LRP1: variants seen among roughly 807,000 people sequenced by gnomAD.
LRP1 encodes the protein prolow-density lipoprotein receptor-related protein 1.
Under a neutral mutation model 541.5 loss-of-function variants are expected in LRP1, and 51 were observed. The observed-to-expected ratio is 0.09, with a 90% CI of 0.08 to 0.12. LRP1 has a LOEUF of 0.12. LRP1 is among the 10% of genes least tolerant of loss of function. The probability of loss-of-function intolerance (pLI) is 1.00; values close to 1 mark genes in which losing one functional copy is unlikely to be tolerated. For synonymous variants in LRP1, 2,219 were observed against 2,470.8 expected, an observed-to-expected ratio of 0.90 and a Z score of 3.02; for missense variants, 3,878 against 6,376.2, an observed-to-expected ratio of 0.61 and a Z score of 13.34.
In LRP1 at chr12:57,128,612, C is replaced by G; in HGVS notation, c.-353C>G. On this transcript the variant is annotated 5_prime_UTR_variant, in exon 1 of 89. Transcript: ENST00000243077. Reference sequence around the variant, plus strand: ...CTACCCGGTCCACGCCCCCCACCCCCCCTCCCCGCCTCCTCCCAATTGTGC... The same window carrying G: ...CTACCCGGTCCACGCCCCCCACCCCGCCTCCCCGCCTCCTCCCAATTGTGC... 1 of 415,422 alleles carries G rather than the reference C, an allele frequency of 2.4e-6. No homozygotes were observed. The highest frequency in any genetic ancestry group is 4.3e-6 in the Non-Finnish European group (1 of 234,404). The allele number at this position is 415,422 out of a possible 1,614,324, so 25.7% of individuals were successfully genotyped here.
In LRP1 at chr12:57,156,393, T is replaced by C; in HGVS notation, c.1417+110T>C. On this transcript the variant is annotated intron_variant, in intron 9 of 88. Transcript: ENST00000243077. This position sits in a 1 kb window ranked among gnomAD's most constrained non-coding sequence, Gnocchi z 5.2. ...CCTCCTGTGGGGACCCTGGCTTCTT[T>C]CATGTCATGACCGATTCTCCTAGCC... 1 of 1,152,272 alleles carries C rather than the reference T, an allele frequency of 8.7e-7. No individual in the cohort carries two copies. The highest frequency in any genetic ancestry group is 1.2e-6 in the Non-Finnish European group (1 of 830,550). 71.4% of individuals were successfully genotyped at this position (1,152,272 alleles called of 1,614,324 possible). A position where few individuals can be genotyped will look rare whatever the true frequency, so the allele number is the denominator to read the frequency against.
chr12:57,204,608 G>A lies in LRP1; in HGVS notation c.11072-19G>A, dbSNP rs1438321419. 1 of 1,613,294 alleles carries A rather than the reference G, an allele frequency of 6.2e-7. No individual in the cohort carries two copies. Among genetic ancestry groups the A allele is most frequent in the South Asian group, 1.1e-5 (1 of 91,064 alleles). Reference sequence around the variant, plus strand: ...CTCCCAAGACTAATTCTGGCTCTGTGTCCCCCTGGCTGCTGCAGCCCGGTT... The same window carrying A: ...CTCCCAAGACTAATTCTGGCTCTGTATCCCCCTGGCTGCTGCAGCCCGGTT... On this transcript the variant is annotated intron_variant, in intron 71 of 88. Coordinates refer to ENST00000243077, the MANE Select transcript of LRP1 (RefSeq NM_002332.3). The surrounding 1 kb of genome is among the most constrained non-coding windows in gnomAD (Gnocchi z 5.3).
intron 17 of LRP1, 43 bp downstream of exon 17, chr12:57,166,252 AG>A (rs1348925997): frequency 6.4e-7 from 1 of 1,558,026 alleles, no homozygotes; most frequent in East Asian, 2.4e-5. Flanking sequence ...CCCTCAGTCA[AG>A]GAGGCAGGGG....
At chr12:57,194,789 G>T (rs1271804611) in intron 50 of LRP1, 90 bp downstream of exon 50, 21 of 1,466,366 alleles carry the variant, frequency 1.4e-5, no homozygotes, top group Non-Finnish European at 1.9e-5. Context: ...TTGGAAAAGG[G>T]CATCCAGAGC....
Position 57,162,898 on chromosome 12 carries a change from C to T in LRP1, c.2445C>T (p.Ser815=), listed in dbSNP as rs780205524. The change falls in exon 15 of 89, where the codon AGC becomes AGT. Residue 815 remains serine, a synonymous_variant. Coordinates refer to ENST00000243077, the MANE Select transcript of LRP1 (RefSeq NM_002332.3). This position sits in a 1 kb window ranked among gnomAD's most constrained non-coding sequence, Gnocchi z 5.2. Reference sequence around the variant, plus strand: ...GCCGGGTGAACAATGGCGGCTGCAGCAGCCTGTGCTTGGCCACCCCTGGGA... The same window carrying T: ...GCCGGGTGAACAATGGCGGCTGCAGTAGCCTGTGCTTGGCCACCCCTGGGA... ...NKCRVNNGGC[S]SLCLATPGSR... 3.7e-6 allele frequency: 6 copies of T among 1,608,112 alleles called. No individual in the cohort carries two copies. The highest frequency in any genetic ancestry group is 4.2e-6 in the Non-Finnish European group (5 of 1,178,350).
rs1403053376 is a variant in LRP1 at position 57,187,389 on chromosome 12, C to T, written c.6964C>T (p.Arg2322Cys). The T allele has an allele frequency of 7.4e-6, 12 of 1,614,172 alleles. No homozygotes were observed. The highest frequency in any genetic ancestry group is 2.7e-5 in the African/African-American group (2 of 75,054). Residue 2322 changes from arginine to cysteine, a missense_variant, in exon 42 of 89, where the codon CGT becomes TGT. Coordinates refer to ENST00000243077, the MANE Select transcript of LRP1 (RefSeq NM_002332.3). ...VDQTRPGAFE[R>C]ETVITMSGDD... is the part of the protein sequence containing the mutation. ...CCAGACCCGCCCAGGGGCCTTCGAGCGTGAGACCGTCATCACTATGTCTGG... is the reference window on the plus strand; with the variant it reads ...CCAGACCCGCCCAGGGGCCTTCGAGTGTGAGACCGTCATCACTATGTCTGG...
At chr12:57,208,563 C>A in intron 77 of LRP1, 148 bp from the exon 78 acceptor site, 2 of 604,818 alleles carry the variant, frequency 3.3e-6, no homozygotes, top group South Asian at 4.0e-5. Flanking sequence ...CAGAAGCAGA[C>A]TCCCGCCTGC....
In LRP1 at chr12:57,165,005, C is replaced by G. The variant is rs1296728113; in HGVS notation, c.2531-800C>G. 2 of 152,144 alleles carry G rather than the reference C, an allele frequency of 1.3e-5. No homozygotes were observed. The highest frequency in any genetic ancestry group is 3.8e-4 in the East Asian group (2 of 5,204). The allele number at this position is 152,144 out of a possible 1,614,324, so 9.4% of individuals were successfully genotyped here. ...CAGATGACAGGGTGCAGCCTGGGAG[C>G]CTTCCAGAAGTAGAGGTTGGTACAG... On this transcript the variant is annotated intron_variant, in intron 15 of 88. Transcript: ENST00000243077. The surrounding 1 kb of genome is among the most constrained non-coding windows in gnomAD (Gnocchi z 4.5).
chr12:57,205,320 A>G lies in LRP1; in HGVS notation c.11336-31A>G. 6.3e-7 allele frequency: 1 copy of G among 1,590,768 alleles called. No homozygotes were observed. The highest frequency in any genetic ancestry group is 8.6e-7 in the Non-Finnish European group (1 of 1,166,316). On this transcript the variant is annotated intron_variant, in intron 73 of 88. Transcript: ENST00000243077. This position sits in a 1 kb window ranked among gnomAD's most constrained non-coding sequence, Gnocchi z 4.6. ...CCAAGCCCTGGCCTGGGGTGGCTCA[A>G]GGGAGGGCATCCACTCTCTGTCCCC...
Position 57,205,466 on chromosome 12 carries a change from C to A in LRP1, c.11451C>A (p.Pro3817=). 6.2e-7 allele frequency: 1 copy of A among 1,610,872 alleles called. No homozygotes were observed. The highest frequency in any genetic ancestry group is 1.1e-5 in the South Asian group (1 of 91,002). Residue 3817 remains proline, a synonymous_variant, in exon 74 of 89, where the codon CCC becomes CCA. Transcript: ENST00000243077. This position sits in a 1 kb window ranked among gnomAD's most constrained non-coding sequence, Gnocchi z 4.6. ...GCCGCTCGGGCTTCCACACCGTGCCCGGCCAGCCCGGATGCCAAGGTAGGA... is the reference window on the plus strand; with the variant it reads ...GCCGCTCGGGCTTCCACACCGTGCCAGGCCAGCCCGGATGCCAAGGTAGGA... ...CACRSGFHTV[P]GQPGCQDINE... is the part of the protein sequence containing the mutation.
Position 57,184,250 on chromosome 12 carries a change from C to G in LRP1, c.6059+36C>G. ...GGAAAGACTGGCCTTGTCATTCTGC[C>G]CATGGCCCATGCTGATGAGGCCCTG... On this transcript the variant is annotated intron_variant, in intron 37 of 88. Coordinates refer to ENST00000243077, the MANE Select transcript of LRP1 (RefSeq NM_002332.3). The surrounding 1 kb of genome is among the most constrained non-coding windows in gnomAD (Gnocchi z 7.8). The G allele has an allele frequency of 6.2e-7, 1 of 1,613,604 alleles. No individual in the cohort carries two copies. The highest frequency in any genetic ancestry group is 1.1e-5 in the South Asian group (1 of 91,030).
intron 67 of LRP1, 173 bp downstream of exon 67, chr12:57,202,078 T>A: frequency 1.3e-6 from 1 of 779,770 alleles, no homozygotes; most frequent in Non-Finnish European, 2.1e-6. Context: ...GGAGCTCACT[T>A]CCCCACATCC....
chr12:57,150,873 G>A (rs1357157957), intron 6 of LRP1, among the ~76,000 whole-genome samples: 1 of 151,936 alleles, frequency 6.6e-6, no homozygotes, highest in Non-Finnish European at 1.5e-5. Context: ...TCAGTGTCTA[G>A]GGCCCAGTTG....
chr12:57,175,395 G>C, intron 22 of LRP1, 65 bp from the exon 23 acceptor site: 1 of 1,596,806 alleles, frequency 6.3e-7, no homozygotes, highest in Non-Finnish European at 8.5e-7. Context: ...GGCCCAGCAG[G>C]GCCGTGGTCT....
Position 57,211,129 on chromosome 12 carries a change from C to G in LRP1, c.12917-47C>G. ...AGCTCTGTTCAACCTATGGAGAGCCCTCATGAGGGTGGGGCTTGAGGCACT... is the reference window on the plus strand; with the variant it reads ...AGCTCTGTTCAACCTATGGAGAGCCGTCATGAGGGTGGGGCTTGAGGCACT... On this transcript the variant is annotated intron_variant, in intron 83 of 88. Coordinates refer to ENST00000243077, the MANE Select transcript of LRP1 (RefSeq NM_002332.3). The surrounding 1 kb of genome is among the most constrained non-coding windows in gnomAD (Gnocchi z 4.3). The G allele has an allele frequency of 6.3e-7, 1 of 1,597,334 alleles. No homozygotes were observed. The highest frequency in any genetic ancestry group is 8.6e-7 in the Non-Finnish European group (1 of 1,167,204).
rs552640652 is a variant in LRP1, at chr12:57,158,787, C to T, written c.1798+149C>T. Reference sequence around the variant, plus strand: ...GAGATGAGGGGATAGACAGATTGACCCCTGTGTGACCCCCTTCTTGGCTGA... The same window carrying T: ...GAGATGAGGGGATAGACAGATTGACTCCTGTGTGACCCCCTTCTTGGCTGA... On this transcript the variant is annotated intron_variant, in intron 11 of 88. Transcript: ENST00000243077. This position sits in a 1 kb window ranked among gnomAD's most constrained non-coding sequence, Gnocchi z 5.3. 6.7e-6 allele frequency: 5 copies of T among 746,206 alleles called. No individual in the cohort carries two copies. In the East Asian group the frequency reaches 1.3e-4, roughly 19 times the overall value. The allele number at this position is 746,206 out of a possible 1,614,324, so 46.2% of individuals were successfully genotyped here.
rs769540935 is a variant in LRP1, at chr12:57,180,791, C to T, written c.5511C>T (p.Asp1837=). The part of the protein sequence containing the change: ...TTLVMHMKVY[D]ESIQLDHKGT... Reference sequence around the variant, plus strand: ...TGGTGATGCACATGAAGGTCTATGACGAGAGCATCCAGCTGGGTAGGTGCG... The same window carrying T: ...TGGTGATGCACATGAAGGTCTATGATGAGAGCATCCAGCTGGGTAGGTGCG... Residue 1837 remains aspartate (D), a synonymous_variant, in exon 33 of 89, where the codon GAC becomes GAT. Transcript: ENST00000243077. 18 of 1,613,848 alleles carry T rather than the reference C, an allele frequency of 1.1e-5. No individual in the cohort carries two copies. Among genetic ancestry groups the T allele is most frequent in the Non-Finnish European group, 1.3e-5 (15 of 1,179,984 alleles).
At chr12:57,181,346 C>T (rs2036163374) in intron 34 of LRP1, 55 bp downstream of exon 34, 4 of 1,563,318 alleles carry the variant, frequency 2.6e-6, no homozygotes, top group Non-Finnish European at 2.6e-6. Flanking sequence ...CCTGACCCCT[C>T]CTACCCTACA....
rs1407690929 is a variant in LRP1, at chr12:57,162,778, T to C, written c.2405-80T>C. ...TCCTCTTTCTGTCCCCACATCTTAATGTGTCTCCTCCCCTATCCCTTCTCT... is the reference window on the plus strand; with the variant it reads ...TCCTCTTTCTGTCCCCACATCTTAACGTGTCTCCTCCCCTATCCCTTCTCT... On this transcript the variant is annotated intron_variant, in intron 14 of 88. Transcript: ENST00000243077. The surrounding 1 kb of genome is among the most constrained non-coding windows in gnomAD (Gnocchi z 5.2). The C allele has an allele frequency of 6.9e-7, 1 of 1,447,592 alleles. No individual in the cohort carries two copies. Among genetic ancestry groups the C allele is most frequent in the East Asian group, 2.5e-5 (1 of 40,298 alleles). The allele number at this position is 1,447,592 out of a possible 1,614,324, so 89.7% of individuals were successfully genotyped here. A position where few individuals can be genotyped will look rare whatever the true frequency, so the allele number is the denominator to read the frequency against.
Sources: gnomAD v4.1 joint callset for allele counts (sites outside exome capture counted in the v4.1 genomes callset) on GRCh38, gnomAD v4.1.1 for gene constraint, Gnocchi (gnomAD v3.1) non-coding constraint, MANE v1.5 for transcripts, NCBI Gene and HGNC (gene_info 2026-07-23, HGNC 2026-07-21) for gene names.